The following RECK variants were observed in gnomAD, a reference collection of about 807,000 sequenced individuals.
RECK encodes the protein reversion-inducing cysteine-rich protein with Kazal motifs.
Under a neutral mutation model 115.1 loss-of-function variants are expected in RECK, and 69 were observed. That is an observed-to-expected ratio of 0.60 (90% CI 0.49 to 0.73). The LOEUF is 0.73. RECK is among the 30% of genes least tolerant of loss of function. The pLI is 0.00. For synonymous variants in RECK, 414 were observed against 419.7 expected, an observed-to-expected ratio of 0.99 and a Z score of 0.17; for missense variants, 1,047 against 1,203.7, an observed-to-expected ratio of 0.87 and a Z score of 1.93.
chr9:36,080,500 A>G, intron 6 of RECK, 105 bp from the exon 7 acceptor site: 1 of 913,276 alleles, frequency 1.1e-6, no homozygotes, highest in Non-Finnish European at 1.7e-6. Flanking sequence ...GGGAAGAATT[A>G]AATAGTTTTA....
chr9:36,048,652 G>C (rs1457871980), intron 1 of RECK, among the ~76,000 whole-genome samples: 50 of 152,050 alleles, frequency 3.3e-4, no homozygotes, highest in Non-Finnish European at 2.9e-5. Flanking sequence ...CTCTTGTCTA[G>C]ATTTTGTCCT....
At chr9:36,096,642 AACCTGTGTTTCAC>A (rs1373381638) in intron 10 of RECK, among the ~76,000 whole-genome samples, 2 of 152,110 alleles carry the variant, frequency 1.3e-5, no homozygotes, top group African/African-American at 4.8e-5. Flanking sequence ...AATGAACCTC[AACCTGTGTTTCAC>A]ACCCTACACA....
rs566923341 is a variant in RECK at position 36,039,803 on chromosome 9, C to A, written c.100+2705C>A. Among the ~76,000 whole-genome samples, 69 of 152,324 alleles carry A rather than the reference C, an allele frequency of 4.5e-4. 2 individuals carry two copies. In the South Asian group the frequency reaches 0.013, roughly 29 times the overall value. On this transcript the variant is annotated intron_variant, in intron 1 of 20. Transcript: ENST00000377966. ...TAAGTTAGAAAAAGCAAACGCCTAT[C>A]TGGAGCAAAGTAATAAGAAGCAGAT...
At chr9:36,115,315 AAAT>A (rs10607815) in intron 16 of RECK, among the ~76,000 whole-genome samples, 2,206 of 149,300 alleles carry the variant, frequency 0.015, 55 homozygotes, top group African/African-American at 0.051. Flanking sequence ...ACTCTGTCTC[AAAT>A]AATAATAATA....
Position 36,060,159 on chromosome 9 carries a change from A to G in RECK, c.271+4A>G. ...TGTATGAATTCATCTTTGCCAGGTA[A>G]GCAATAAAAGTGTAACATTTAGCAC... On this transcript the variant is annotated splice_donor_region_variant and intron_variant, in intron 4 of 20. Transcript: ENST00000377966. 1 of 1,613,148 alleles carries G rather than the reference A, an allele frequency of 6.2e-7. No individual in the cohort carries two copies. The highest frequency in any genetic ancestry group is 1.1e-5 in the South Asian group (1 of 90,958).
At chr9:36,064,004 G>A (rs1050365992) in intron 5 of RECK, 124 bp downstream of exon 5, 2 of 815,562 alleles carry the variant, frequency 2.5e-6, no homozygotes, top group Non-Finnish European at 2.0e-6. Context: ...TGCAAATTTA[G>A]CATTTTTTGT....
intron 20 of RECK, 93 bp downstream of exon 20, chr9:36,121,781 C>T (rs1338483209): frequency 4.4e-6 from 6 of 1,359,920 alleles, no homozygotes; most frequent in Non-Finnish European, 6.1e-6. Flanking sequence ...GAGGAAGGAT[C>T]CGTGGGTGAG....
intron 2 of RECK, among the ~76,000 whole-genome samples, chr9:36,054,118 G>A (rs1821420615): frequency 6.6e-6 from 1 of 152,184 alleles, no homozygotes. Flanking sequence ...GTTAAAACTC[G>A]TAGAGCTCAC....
chr9:36,081,162 A>T (rs554281354), intron 7 of RECK, among the ~76,000 whole-genome samples: 143 of 152,302 alleles, frequency 9.4e-4, no homozygotes, highest in Middle Eastern at 3.4e-3. Context: ...GTGGAGAATG[A>T]AGGAAATGGA....
chr9:36,124,078 T>C lies in RECK; in HGVS notation c.*1033T>C, dbSNP rs1824554960. On this transcript the variant is annotated 3_prime_UTR_variant, in exon 21 of 21. Transcript: ENST00000377966. The stretch of plus-strand genomic sequence containing the variant: ...CTGACTTTCTTTTTTGATATAGAAG[T>C]ATAAAGAATTGTGGTTTATATATTT... 2 of 152,666 alleles carry C rather than the reference T, an allele frequency of 1.3e-5. No individual in the cohort carries two copies. The highest frequency in any genetic ancestry group is 1.3e-4 in the Admixed American group (2 of 15,288). The allele number at this position is 152,666 out of a possible 1,614,324, so 9.5% of individuals were successfully genotyped here.
chr9:36,098,061 G>A lies in RECK; in HGVS notation c.1086-2270G>A, dbSNP rs541460614. On this transcript the variant is annotated intron_variant, in intron 10 of 20. Transcript: ENST00000377966. The stretch of plus-strand genomic sequence containing the variant: ...GCAGGAGGAGGAGAGAGAAGAGGGA[G>A]GAGAGAGGGGAGAGGATTGGGAAAA... Among the ~76,000 whole-genome samples the A allele has an allele frequency of 5.7e-4, 87 of 152,214 alleles. 1 individual carries two copies. The highest frequency in any genetic ancestry group is 1.9e-3 in the African/African-American group (79 of 41,520).
At position 36,122,825 on chromosome 9, in the gene RECK, T is replaced by TTGAA. The variant is rs957090311; in HGVS notation, c.2697_2700dup (p.Ala901Ter). The TTGAA allele has an allele frequency of 6.2e-7, 1 of 1,613,678 alleles. No individual in the cohort carries two copies. Among genetic ancestry groups the TTGAA allele is most frequent in the African/African-American group, 1.3e-5 (1 of 74,920 alleles). On this transcript the variant is annotated frameshift_variant and splice_region_variant, in exon 21 of 21. Coordinates refer to ENST00000377966, the MANE Select transcript of RECK (RefSeq NM_021111.3). LOFTEE classifies it high-confidence loss of function. Reference sequence around the variant, plus strand: ...AGGGAACCTTGTTTCTCCTCACAGATTGAAGCCTGCAATAAAGAAGCAGAG... The same window carrying TTGAA: ...AGGGAACCTTGTTTCTCCTCACAGATTGAATGAAGCCTGCAATAAAGAAGCAGAG...
chr9:36,099,159 G>A (rs1428854552), intron 10 of RECK, among the ~76,000 whole-genome samples: 2 of 152,000 alleles, frequency 1.3e-5, no homozygotes, highest in Admixed American at 6.6e-5. Context: ...CCACAAGGTC[G>A]AGGCTGCAGT....
intron 4 of RECK, among the ~76,000 whole-genome samples, chr9:36,061,393 TACACACACAC>T (rs58265948): frequency 0.018 from 2,299 of 129,112 alleles, 51 homozygotes; most frequent in East Asian, 0.067. Context: ...TGTAATTTTC[TACACACACAC>T]ACACACACAC....
chr9:36,121,654 T>C lies in RECK; in HGVS notation c.2660T>C (p.Ile887Thr). The change falls in exon 20 of 21, where the codon ATC (isoleucine) becomes ACC (threonine). Residue 887 changes from isoleucine (I) to threonine (T), a missense_variant. Coordinates refer to ENST00000377966, the MANE Select transcript of RECK (RefSeq NM_021111.3). ...ATTGAATCAGAAATTGTGATCCTGA[T>C]CATTCCCGTCGATCACTATCCAAAA... Reference protein sequence around the residue: ...FSIESEIVILIIPVDHYPKAL... With the variant: ...FSIESEIVILTIPVDHYPKAL... The C allele has an allele frequency of 6.2e-7, 1 of 1,614,184 alleles. No individual in the cohort carries two copies. The highest frequency in any genetic ancestry group is 1.1e-5 in the South Asian group (1 of 91,078).
rs114677773 is a variant in RECK, at chr9:36,108,298, A to G, written c.1765+134A>G. 1.1e-3 allele frequency: 615 copies of G among 585,680 alleles called. 7 individuals carry two copies. Among genetic ancestry groups the G allele is most frequent in the African/African-American group, 9.4e-3 (503 of 53,550 alleles). The allele number at this position is 585,680 out of a possible 1,614,324, so 36.3% of individuals were successfully genotyped here. ...ACTCCAGGGCAGTATTTTTCAAACT[A>G]TACAGAGCACTAGGACTTCTAAGGA... On this transcript the variant is annotated intron_variant, in intron 14 of 20. Transcript: ENST00000377966.
intron 14 of RECK, among the ~76,000 whole-genome samples, chr9:36,108,872 C>T (rs1823922441): frequency 6.6e-6 from 1 of 151,980 alleles, no homozygotes; most frequent in African/African-American, 2.4e-5. Context: ...TGTGAAAAAA[C>T]ACCACTTTTT....
At chr9:36,037,894 A>AAGT (rs1221046054) in intron 1 of RECK, among the ~76,000 whole-genome samples, 1 of 151,746 alleles carries the variant, frequency 6.6e-6, no homozygotes, top group Non-Finnish European at 1.5e-5. Context: ...GATGAGTGGA[A>AAGT]AGTGGAGTGA....
In RECK at chr9:36,123,172, A is replaced by G; in HGVS notation, c.*127A>G. The G allele has an allele frequency of 1.5e-6, 1 of 655,866 alleles. No individual in the cohort carries two copies. The highest frequency in any genetic ancestry group is 2.5e-6 in the Non-Finnish European group (1 of 396,802). The allele number at this position is 655,866 out of a possible 1,614,324, so 40.6% of individuals were successfully genotyped here. On this transcript the variant is annotated 3_prime_UTR_variant, in exon 21 of 21. Transcript: ENST00000377966. ...CACATGTCACCTCTATTCGCCACAC[A>G]GTATTTTTTTTTTTAATCCGCCAAT...
Sources: gnomAD v4.1 joint callset for allele counts (sites outside exome capture counted in the v4.1 genomes callset) on GRCh38, gnomAD v4.1.1 for gene constraint, MANE v1.5 for transcripts, NCBI Gene and HGNC (gene_info 2026-07-23, HGNC 2026-07-21) for gene names.